MYL6B: variants seen among roughly 807,000 people sequenced by gnomAD.
MYL6B encodes the protein myosin light chain 6B, also known as myosin alkali light chain 1 slow a.
MYL6B carries 19 observed loss-of-function variants against 24.5 expected under a neutral mutation model. That is an observed-to-expected ratio of 0.78 (90% CI 0.54 to 1.14). The LOEUF is 1.14. Among genes scored for constraint, MYL6B ranks in the 50% most tolerant of loss-of-function variants. MYL6B has a pLI of 0.00. For synonymous variants in MYL6B, 90 were observed against 100.7 expected, an observed-to-expected ratio of 0.89 and a Z score of 0.64; for missense variants, 230 against 263.8, an observed-to-expected ratio of 0.87 and a Z score of 0.89.
At position 56,154,003 on chromosome 12, in the gene MYL6B, G is replaced by A. The variant is rs767225371; in HGVS notation, c.85G>A (p.Ala29Thr). The A allele has an allele frequency of 8.7e-6, 14 of 1,614,114 alleles. No individual in the cohort carries two copies. The Admixed American group carries it at 2.3e-4, about 27-fold the overall frequency. The change falls in exon 2 of 7, where the codon GCT becomes ACT. Residue 29 changes from alanine to threonine, a missense_variant. Physicochemically the swap from Ala to Thr is moderately conservative, Grantham distance 58. Coordinates refer to ENST00000553066, the Ensembl canonical transcript of MYL6B. ...TGCTGCTAAGCCAGCAGCAGCAGGG[G>A]CTCCTCCAGCCAAGACCAAAGCTGA...
intron 5 of MYL6B, chr12:56,156,076 C>G: frequency 9.6e-7 from 1 of 1,046,218 alleles, no homozygotes; most frequent in Non-Finnish European, 1.2e-6. Context: ...GAGACCAAGG[C>G]GGGCGGATCA....
chr12:56,155,031 C>T (rs1427235431), intron 3 of MYL6B, 24 bp from the exon 4 acceptor site: 2 of 1,601,208 alleles, frequency 1.2e-6, no homozygotes, highest in Admixed American at 1.7e-5. Context: ...TCAGTGTCTA[C>T]ACTGACCCTT....
At chr12:56,153,097 A>G (rs2136901486) in intron 1 of MYL6B, among the ~76,000 whole-genome samples, 1 of 152,128 alleles carries the variant, frequency 6.6e-6, no homozygotes, top group Admixed American at 6.5e-5. Context: ...GGTGCCACCA[A>G]AGGGTCCCCA....
intron 5 of MYL6B, among the ~76,000 whole-genome samples, chr12:56,156,604 A>T (rs1246032180): frequency 3.4e-5 from 5 of 145,052 alleles, no homozygotes; most frequent in South Asian, 2.1e-4. Context: ...GACTCAGTTT[A>T]AAAAAAAGCA....
chr12:56,156,112 C>A, intron 5 of MYL6B: 1 of 766,092 alleles, frequency 1.3e-6, no homozygotes, highest in Non-Finnish European at 1.6e-6. Flanking sequence ...TCGAGACCGG[C>A]CTGGCCAACA....
intron 2 of MYL6B, 41 bp from the exon 3 acceptor site, chr12:56,154,772 A>G (rs758976297): frequency 1.6e-5 from 25 of 1,600,834 alleles, no homozygotes; most frequent in African/African-American, 2.7e-5. Context: ...GAGGGATTGA[A>G]TAAACTCTCA....
At chr12:56,154,714 G>A (rs1871239911) in intron 2 of MYL6B, 99 bp from the exon 3 acceptor site, 2 of 1,389,082 alleles carry the variant, frequency 1.4e-6, no homozygotes, top group African/African-American at 1.4e-5. Flanking sequence ...TGGTCCCTTT[G>A]GGCCCCTCCT....
At chr12:56,153,671 C>T in intron 1 of MYL6B, 1 of 403,666 alleles carries the variant, frequency 2.5e-6, no homozygotes, top group Non-Finnish European at 4.2e-6. Context: ...CTAAAGGAAA[C>T]ATTGTTCTTT....
chr12:56,157,603 C>T (rs934138211), intron 6 of MYL6B, 58 bp downstream of exon 6: 8 of 1,612,744 alleles, frequency 5.0e-6, no homozygotes, highest in Non-Finnish European at 5.9e-6. Flanking sequence ...TGGCGTCTTG[C>T]CGCGTGTGGG....
intron 3 of MYL6B, 96 bp downstream of exon 3, chr12:56,154,936 TC>T: frequency 6.4e-7 from 1 of 1,564,872 alleles, no homozygotes. Context: ...CCTTGAAACC[TC>T]CCATACTAGT....
In MYL6B at chr12:56,155,546, C is replaced by T. The variant is rs760116988; in HGVS notation, c.474C>T (p.Asn158=). The T allele has an allele frequency of 8.1e-6, 13 of 1,613,498 alleles. No individual in the cohort carries two copies. In the Middle Eastern group the frequency reaches 6.6e-4, roughly 82 times the overall value. ...TTCGTGTGTTTGACAAGGAGGGGAA[C>T]GGCAAAGTCATGGGAGCAGAGCTCA... Residue 158 remains asparagine, a synonymous_variant, in exon 5 of 7, where the codon AAC becomes AAT. Coordinates refer to ENST00000553066, the Ensembl canonical transcript of MYL6B.
Position 56,155,872 on chromosome 12 carries a change from C to T in MYL6B, c.520+280C>T, listed in dbSNP as rs541145355. ...GGGTTGTGTGTTCTGGTACAAGTCTCGTAACCTCCTGGGATTGTTTCCTTG... is the reference window on the plus strand; with the variant it reads ...GGGTTGTGTGTTCTGGTACAAGTCTTGTAACCTCCTGGGATTGTTTCCTTG... On this transcript the variant is annotated intron_variant, in intron 5 of 6. Transcript: ENST00000553066. 2.7e-5 allele frequency: 35 copies of T among 1,315,552 alleles called. No homozygotes were observed. The South Asian group carries it at 4.5e-4, about 17-fold the overall frequency. The allele number at this position is 1,315,552 out of a possible 1,614,324, so 81.5% of individuals were successfully genotyped here.
intron 6 of MYL6B, 25 bp from the exon 7 acceptor site, chr12:56,157,671 AGC>A (rs1056316653): frequency 6.2e-7 from 1 of 1,613,256 alleles, no homozygotes; most frequent in African/African-American, 1.3e-5. Flanking sequence ...CTGCTTCTGA[AGC>A]CCCTCTTGCC....
rs200010254 is a variant in MYL6B, at chr12:56,157,681, G to A, written c.599-17G>A. On this transcript the variant is annotated splice_polypyrimidine_tract_variant and intron_variant, in intron 6 of 6. Coordinates refer to ENST00000553066, the Ensembl canonical transcript of MYL6B. ...AAGGCCTGCTTCTGAAGCCCCTCTT[G>A]CCTCCTCTCTCTGCAGCCTTCTTGA... 2.0e-4 allele frequency: 327 copies of A among 1,613,172 alleles called. No individual in the cohort carries two copies. The Admixed American group carries it at 4.3e-3, about 21-fold the overall frequency.
Position 56,157,681 on chromosome 12 carries a change from GCCT to G in MYL6B, c.599-12_599-10del. The G allele has an allele frequency of 6.2e-7, 1 of 1,613,170 alleles. No homozygotes were observed. The highest frequency in any genetic ancestry group is 1.1e-5 in the South Asian group (1 of 91,086). ...AAGGCCTGCTTCTGAAGCCCCTCTT[GCCT>G]CCTCTCTCTGCAGCCTTCTTGAAAC... On this transcript the variant is annotated splice_polypyrimidine_tract_variant and intron_variant, in intron 6 of 6. Transcript: ENST00000553066.
chr12:56,153,124 C>T (rs893501807), intron 1 of MYL6B, among the ~76,000 whole-genome samples: 1 of 152,030 alleles, frequency 6.6e-6, no homozygotes, highest in Non-Finnish European at 1.5e-5. Context: ...CAGCAAGCAC[C>T]CTACCTTTTG....
rs1196656988 is a variant in MYL6B, at chr12:56,154,755, T to C, written c.175-58T>C. 3 of 1,574,072 alleles carry C rather than the reference T, an allele frequency of 1.9e-6. No individual in the cohort carries two copies. In the East Asian group the frequency reaches 6.8e-5, roughly 35 times the overall value. On this transcript the variant is annotated intron_variant, in intron 2 of 6. Coordinates refer to ENST00000553066, the Ensembl canonical transcript of MYL6B. ...GTGGCTGCCAGTTGGTTGGGAGGAG[T>C]GCGGGAGAGGGATTGAATAAACTCT...
chr12:56,152,733 G>C (rs1357451294), intron 1 of MYL6B, 102 bp downstream of exon 1: 1 of 151,424 alleles, frequency 6.6e-6, no homozygotes, highest in Non-Finnish European at 1.5e-5. Flanking sequence ...GATGTATTTT[G>C]TAAAAATGGG....
At chr12:56,154,872 C>CA (rs1565880967) in intron 3 of MYL6B, 32 bp downstream of exon 3, 2 of 1,604,934 alleles carry the variant, frequency 1.2e-6, no homozygotes, top group Admixed American at 1.7e-5. Flanking sequence ...GCCACTGTCC[C>CA]ATCCCCAATC....
Sources: gnomAD v4.1 joint callset for allele counts (sites outside exome capture counted in the v4.1 genomes callset) on GRCh38, gnomAD v4.1.1 for gene constraint, MANE v1.5 for transcripts, NCBI Gene and HGNC (gene_info 2026-07-23, HGNC 2026-07-21) for gene names.